SORCS2: variants seen among roughly 807,000 people sequenced by gnomAD.
SORCS2 encodes the protein VPS10 domain-containing receptor SorCS2.
In SORCS2, 100 loss-of-function variants were observed where a neutral mutation model predicts 141.6. The observed-to-expected ratio is 0.71, with a 90% CI of 0.60 to 0.83. The LOEUF is 0.83. Among genes scored for constraint, SORCS2 ranks in the 40% least tolerant of loss-of-function variants. SORCS2 has a pLI of 0.00. For missense variants in SORCS2, 1,646 were observed against 1,560.2 expected (o/e 1.05, Z -0.93); for synonymous variants, 789 against 676.9 (o/e 1.17, Z -2.57).
intron 2 of SORCS2, among the ~76,000 whole-genome samples, chr4:7,506,207 C>A (rs535177506): frequency 6.6e-6 from 1 of 151,478 alleles, no homozygotes; most frequent in Non-Finnish European, 1.5e-5. Flanking sequence ...AGAAAAGGAA[C>A]TTCTTTTAGT....
chr4:7,251,606 C>T (rs573607721), intron 1 of SORCS2, among the ~76,000 whole-genome samples: 102 of 152,278 alleles, frequency 6.7e-4, no homozygotes, highest in African/African-American at 2.0e-3. Flanking sequence ...GGAGGGAGTG[C>T]GCTCCTGCCT....
intron 2 of SORCS2, among the ~76,000 whole-genome samples, chr4:7,409,872 C>G (rs964206460): frequency 6.6e-5 from 10 of 152,172 alleles, no homozygotes; most frequent in Non-Finnish European, 1.3e-4. Flanking sequence ...GGAGTGAAGC[C>G]AGGTTGCTTC....
chr4:7,438,336 G>A (rs114375446), intron 2 of SORCS2, among the ~76,000 whole-genome samples: 2,853 of 152,356 alleles, frequency 0.019, 72 homozygotes, highest in African/African-American at 0.065. Flanking sequence ...GTCATGCATC[G>A]TGTGGGGGGC....
chr4:7,512,221 C>T (rs576408080), intron 2 of SORCS2, among the ~76,000 whole-genome samples: 1 of 152,170 alleles, frequency 6.6e-6, no homozygotes, highest in Admixed American at 6.5e-5. Flanking sequence ...ATCAACCCAT[C>T]AGCCATGCCC....
chr4:7,647,750 C>T (rs1024721051), intron 4 of SORCS2, among the ~76,000 whole-genome samples: 1 of 152,222 alleles, frequency 6.6e-6, no homozygotes, highest in Non-Finnish European at 1.5e-5. Context: ...GTCTCCTGGC[C>T]GTGGTTCCTT....
intron 1 of SORCS2, among the ~76,000 whole-genome samples, chr4:7,225,858 C>T (rs116469576): frequency 0.014 from 2,192 of 152,178 alleles, 66 homozygotes; most frequent in African/African-American, 0.05. Context: ...TGTGCTGTGG[C>T]GAGGGGGTTC....
At chr4:7,527,597 T>G (rs1733776648) in intron 2 of SORCS2, among the ~76,000 whole-genome samples, 1 of 152,176 alleles carries the variant, frequency 6.6e-6, no homozygotes, top group Admixed American at 6.5e-5. Flanking sequence ...TGCAGACTCC[T>G]GCCCTCCAGA....
intron 3 of SORCS2, among the ~76,000 whole-genome samples, chr4:7,579,606 A>G (rs987699341): frequency 6.6e-6 from 1 of 152,140 alleles, no homozygotes; most frequent in Non-Finnish European, 1.5e-5. Context: ...CTGAAGCCTC[A>G]GGGCCAGTAA....
chr4:7,715,286 G>T lies in SORCS2; in HGVS notation c.2227G>T (p.Gly743Cys). The T allele has an allele frequency of 6.2e-7, 1 of 1,612,980 alleles. No homozygotes were observed. Among genetic ancestry groups the T allele is most frequent in the Non-Finnish European group, 8.5e-7 (1 of 1,179,692 alleles). The change falls in exon 17 of 27, where the codon GGC (glycine) becomes TGC (cysteine). Residue 743 changes from glycine (G) to cysteine (C), a missense_variant. Transcript: ENST00000507866. ...PLSPPDDCAL[G>C]QTYTSSLGYR... Reference sequence around the variant, plus strand: ...GTCCCCGCCTGACGACTGTGCCCTGGGCCAGACCTACACCAGCAGCCTTGG... The same window carrying T: ...GTCCCCGCCTGACGACTGTGCCCTGTGCCAGACCTACACCAGCAGCCTTGG...
At chr4:7,324,398 G>T (rs1420890199) in intron 1 of SORCS2, among the ~76,000 whole-genome samples, 1 of 152,196 alleles carries the variant, frequency 6.6e-6, no homozygotes, top group Non-Finnish European at 1.5e-5. Context: ...AATCTAACAG[G>T]TGCCCCTGCA....
chr4:7,676,328 T>C (rs1208473882), intron 9 of SORCS2, 99 bp downstream of exon 9: 4 of 1,323,494 alleles, frequency 3.0e-6, no homozygotes, highest in Non-Finnish European at 4.1e-6. Flanking sequence ...CGCCTGTCTA[T>C]ATAGCTGTCT....
At chr4:7,515,647 G>A (rs1169250229) in intron 2 of SORCS2, among the ~76,000 whole-genome samples, 1 of 152,166 alleles carries the variant, frequency 6.6e-6, no homozygotes, top group East Asian at 1.9e-4. Context: ...GCAGACGTAA[G>A]CCTTTGCTAT....
At chr4:7,718,714 C>T (rs1293555186) in intron 18 of SORCS2, among the ~76,000 whole-genome samples, 1 of 152,100 alleles carries the variant, frequency 6.6e-6, no homozygotes, top group Admixed American at 6.5e-5. Context: ...CCCAGGCTTG[C>T]TTTTTTTGCT....
At chr4:7,577,287 C>G (rs1248780640) in intron 3 of SORCS2, among the ~76,000 whole-genome samples, 1 of 152,178 alleles carries the variant, frequency 6.6e-6, no homozygotes, top group Non-Finnish European at 1.5e-5. Flanking sequence ...GGTGGGGAGA[C>G]AGGTGAAGGC....
At position 7,733,455 on chromosome 4, in the gene SORCS2, G is replaced by A. The variant is rs752075491; in HGVS notation, c.3208+34G>A. On this transcript the variant is annotated intron_variant, in intron 24 of 26. Coordinates refer to ENST00000507866, the MANE Select transcript of SORCS2 (RefSeq NM_020777.3). ...CTGGGAGCTCCCCTGCGGAATGGGT[G>A]GAGGAGGCATCCGGGCCCTGGAGAA... is the stretch of plus-strand genomic sequence containing the variant. 82 of 1,514,180 alleles carry A rather than the reference G, an allele frequency of 5.4e-5. 1 individual carries two copies. The highest frequency in any genetic ancestry group is 7.2e-5 in the Non-Finnish European group (81 of 1,118,010). 93.8% of individuals were successfully genotyped at this position (1,514,180 alleles called of 1,614,324 possible).
intron 2 of SORCS2, among the ~76,000 whole-genome samples, chr4:7,510,474 T>C (rs904827634): frequency 2.6e-5 from 4 of 151,850 alleles, no homozygotes; most frequent in Admixed American, 2.0e-4. Flanking sequence ...GGCTTCATGG[T>C]TTCGGCCAGT....
chr4:7,215,136 C>T (rs1416992521), intron 1 of SORCS2, among the ~76,000 whole-genome samples: 8 of 151,928 alleles, frequency 5.3e-5, no homozygotes, highest in Admixed American at 2.0e-4. Context: ...GAGGGAGAGG[C>T]GCGAGCGGGA....
At chr4:7,285,688 G>A (rs1400379098) in intron 1 of SORCS2, among the ~76,000 whole-genome samples, 2 of 152,250 alleles carry the variant, frequency 1.3e-5, no homozygotes, top group Non-Finnish European at 1.5e-5. Flanking sequence ...TTTTCCTGGG[G>A]CCTCGTTCTT....
intron 3 of SORCS2, among the ~76,000 whole-genome samples, chr4:7,543,707 T>G (rs1386980138): frequency 2.0e-5 from 1 of 49,530 alleles, no homozygotes; most frequent in African/African-American, 1.0e-4. Flanking sequence ...CATCCATCCA[T>G]CCACCCATCC....
Sources: gnomAD v4.1 joint callset for allele counts (sites outside exome capture counted in the v4.1 genomes callset) on GRCh38, gnomAD v4.1.1 for gene constraint, MANE v1.5 for transcripts, NCBI Gene and HGNC (gene_info 2026-07-23, HGNC 2026-07-21) for gene names.